Variants in PARD3 observed in about 807,000 individuals in gnomAD.
PARD3 encodes partitioning defective 3 homolog.
PARD3 carries 75 observed loss-of-function variants against 155.4 expected under a neutral mutation model. That is an observed-to-expected ratio of 0.48 (90% confidence interval 0.40 to 0.58). The LOEUF (loss-of-function observed/expected upper bound fraction) is 0.58, where lower values mean the gene tolerates loss of function less well. PARD3 is among the 20% of genes least tolerant of loss of function. PARD3 has a pLI of 0.00. For missense variants in PARD3, 1,642 were observed against 1,721.7 expected (o/e 0.95, Z 0.82); for synonymous variants, 576 against 610.5 (o/e 0.94, Z 0.83).
intron 2 of PARD3, among the ~76,000 whole-genome samples, chr10:34,612,717 T>A (rs1027343842): frequency 1.3e-5 from 2 of 152,250 alleles, no homozygotes. Context: ...AATGCTGGTA[T>A]ATAGTACCAG....
intron 5 of PARD3, among the ~76,000 whole-genome samples, chr10:34,413,753 T>A (rs1055409948): frequency 1.7e-4 from 26 of 152,218 alleles, no homozygotes; most frequent in Middle Eastern, 3.4e-3. Context: ...GAGGATTTTT[T>A]AAAAAATTGG....
chr10:34,605,871 C>CTA (rs373245471), intron 2 of PARD3, among the ~76,000 whole-genome samples: 1 of 71,644 alleles, frequency 1.4e-5, no homozygotes, highest in African/African-American at 7.0e-5. Context: ...TATATATCTC[C>CTA]TATATATATA....
intron 5 of PARD3, among the ~76,000 whole-genome samples, chr10:34,443,563 C>T (rs2076581734): frequency 6.6e-6 from 1 of 152,018 alleles, no homozygotes; most frequent in South Asian, 2.1e-4. Flanking sequence ...AGAAAGAGCT[C>T]GAGCAGGGAA....
intron 16 of PARD3, among the ~76,000 whole-genome samples, chr10:34,337,820 T>C (rs1157774831): frequency 2.0e-5 from 3 of 152,220 alleles, no homozygotes; most frequent in Non-Finnish European, 4.4e-5. Flanking sequence ...CAAGTGACCA[T>C]ATAAATTGTA....
chr10:34,332,473 A>AGCCCATATGTT (rs964516467), intron 18 of PARD3, among the ~76,000 whole-genome samples: 1 of 152,202 alleles, frequency 6.6e-6, no homozygotes, highest in Non-Finnish European at 1.5e-5. Flanking sequence ...TGGGGTCATC[A>AGCCCATATGTT]GCCCATATGT....
At chr10:34,504,596 T>C (rs1037991526) in intron 3 of PARD3, among the ~76,000 whole-genome samples, 1 of 152,208 alleles carries the variant, frequency 6.6e-6, no homozygotes, top group Non-Finnish European at 1.5e-5. Context: ...CTTTAAAATG[T>C]AGCCCAGAGA....
chr10:34,697,313 A>G (rs2094193264), intron 1 of PARD3, among the ~76,000 whole-genome samples: 1 of 152,156 alleles, frequency 6.6e-6, no homozygotes, highest in Non-Finnish European at 1.5e-5. Context: ...CTGCAACACA[A>G]TTGCTATCCA....
At chr10:34,749,785 G>A (rs564823329) in intron 1 of PARD3, among the ~76,000 whole-genome samples, 1 of 152,172 alleles carries the variant, frequency 6.6e-6, no homozygotes, top group South Asian at 2.1e-4. Flanking sequence ...CACTTTGAGA[G>A]GCAGGAGGGC....
At chr10:34,621,132 T>C (rs144618999) in intron 2 of PARD3, among the ~76,000 whole-genome samples, 24 of 152,344 alleles carry the variant, frequency 1.6e-4, no homozygotes, top group African/African-American at 3.6e-4. Context: ...AAAGATTTCA[T>C]CTGGCAGGAC....
intron 2 of PARD3, among the ~76,000 whole-genome samples, chr10:34,672,919 T>C (rs542884575): frequency 6.6e-6 from 1 of 152,342 alleles, no homozygotes; most frequent in African/African-American, 2.4e-5. Flanking sequence ...CTTGTCTTGC[T>C]TGATTCTTTC....
intron 2 of PARD3, among the ~76,000 whole-genome samples, chr10:34,677,455 G>A (rs1283816582): frequency 6.6e-6 from 1 of 151,288 alleles, no homozygotes; most frequent in Non-Finnish European, 1.5e-5. Flanking sequence ...ACTCCAGCCT[G>A]GGCAACAGAT....
At chr10:34,244,547 C>T (rs1024179812) in intron 22 of PARD3, among the ~76,000 whole-genome samples, 2 of 152,056 alleles carry the variant, frequency 1.3e-5, no homozygotes, top group Non-Finnish European at 2.9e-5. Flanking sequence ...AAAAATGCAA[C>T]GTTATCAATT....
intron 3 of PARD3, among the ~76,000 whole-genome samples, chr10:34,493,923 C>T (rs1016521624): frequency 3.9e-5 from 6 of 152,152 alleles, no homozygotes; most frequent in African/African-American, 1.4e-4. Context: ...TGCTACCATG[C>T]ATCTCATCCC....
At chr10:34,563,148 T>A (rs959696857) in intron 2 of PARD3, among the ~76,000 whole-genome samples, 1 of 152,204 alleles carries the variant, frequency 6.6e-6, no homozygotes, top group Non-Finnish European at 1.5e-5. Context: ...ACCATAACAC[T>A]ACAATCATTC....
At chr10:34,176,592 C>T (rs1478208248) in intron 22 of PARD3, among the ~76,000 whole-genome samples, 2 of 152,186 alleles carry the variant, frequency 1.3e-5, no homozygotes, top group African/African-American at 4.8e-5. Context: ...GCTCCTGCCA[C>T]CTGTACCGTT....
chr10:34,239,987 T>C (rs892890479), intron 22 of PARD3, among the ~76,000 whole-genome samples: 1 of 152,152 alleles, frequency 6.6e-6, no homozygotes, highest in Non-Finnish European at 1.5e-5. Flanking sequence ...TAGTAGGAAA[T>C]TGGATAAACA....
intron 12 of PARD3, among the ~76,000 whole-genome samples, chr10:34,363,837 G>A (rs553308044): frequency 6.6e-6 from 1 of 152,300 alleles, no homozygotes; most frequent in Admixed American, 6.5e-5. Flanking sequence ...CAGCAACAAA[G>A]CCTGTCAGTT....
intron 1 of PARD3, among the ~76,000 whole-genome samples, chr10:34,722,152 C>A (rs1288572488): frequency 6.6e-6 from 1 of 152,120 alleles, no homozygotes; most frequent in Admixed American, 6.5e-5. Flanking sequence ...ATGATGGTGC[C>A]ACTGCACTCC....
chr10:34,359,711 T>C (rs957635481), intron 13 of PARD3, among the ~76,000 whole-genome samples: 1 of 152,122 alleles, frequency 6.6e-6, no homozygotes, highest in African/African-American at 2.4e-5. Flanking sequence ...GCCAGGAAAT[T>C]TTCTCTAGGC....
Sources: gnomAD v4.1 joint callset for allele counts (sites outside exome capture counted in the v4.1 genomes callset) on GRCh38, gnomAD v4.1.1 for gene constraint, MANE v1.5 for transcripts, NCBI Gene and HGNC (gene_info 2026-07-23, HGNC 2026-07-21) for gene names.